PPARG: variants seen among roughly 807,000 people sequenced by gnomAD.
The protein encoded by PPARG is peroxisome proliferator activated receptor gamma, also known as peroxisome proliferator-activated receptor gamma.
In PPARG, 17 loss-of-function variants were observed where a neutral mutation model predicts 39.2. The ratio of observed to expected loss-of-function variants is 0.43; its 90% CI spans 0.30 to 0.65. The LOEUF is 0.65. Ranked by LOEUF, PPARG falls within the 30% of genes least tolerant of loss-of-function variation. PPARG has a pLI of 0.13. For synonymous variants in PPARG, 223 were observed against 215.7 expected (o/e 1.03, Z -0.30); for missense variants, 406 against 585.9 (o/e 0.69, Z 3.17).
chr3:12,302,373 C>T (rs1465902022), intron 1 of PPARG, among the ~76,000 whole-genome samples: 1 of 152,132 alleles, frequency 6.6e-6, no homozygotes, highest in Non-Finnish European at 1.5e-5. Flanking sequence ...GGGGGAGTGA[C>T]TGCTTAATGG....
chr3:12,292,645 C>T (rs373327834), intron 1 of PPARG, among the ~76,000 whole-genome samples: 1 of 152,086 alleles, frequency 6.6e-6, no homozygotes, highest in African/African-American at 2.4e-5. Context: ...TTAAATTCTT[C>T]GCGTGAATTG....
At chr3:12,338,053 A>AAAAC (rs2048064861) in intron 2 of PPARG, among the ~76,000 whole-genome samples, 1 of 152,214 alleles carries the variant, frequency 6.6e-6, no homozygotes, top group East Asian at 1.9e-4. Flanking sequence ...AAAGTTAGCT[A>AAAAC]AAACATTTCA....
intron 2 of PPARG, among the ~76,000 whole-genome samples, chr3:12,350,784 C>G (rs149953132): frequency 6.6e-6 from 1 of 152,282 alleles, no homozygotes; most frequent in Non-Finnish European, 1.5e-5. Flanking sequence ...GTTTAAACAT[C>G]AATTGATGTT....
chr3:12,304,950 G>A (rs1024872040), intron 1 of PPARG, among the ~76,000 whole-genome samples: 2 of 152,124 alleles, frequency 1.3e-5, no homozygotes, highest in African/African-American at 4.8e-5. Context: ...AGCTGACCTT[G>A]AACATGGAAA....
intron 2 of PPARG, among the ~76,000 whole-genome samples, chr3:12,365,400 C>T (rs952494019): frequency 1.3e-5 from 2 of 152,060 alleles, no homozygotes; most frequent in African/African-American, 4.8e-5. Flanking sequence ...TCCAGATAAT[C>T]AGTTATTTCA....
At chr3:12,297,741 C>G (rs1361680370) in intron 1 of PPARG, 1 of 152,100 alleles carries the variant, frequency 6.6e-6, no homozygotes, top group Non-Finnish European at 1.5e-5. Context: ...TTAGCATATG[C>G]TGGCAAATAG....
At chr3:12,370,525 A>G (rs1321078758) in intron 2 of PPARG, among the ~76,000 whole-genome samples, 1 of 152,180 alleles carries the variant, frequency 6.6e-6, no homozygotes, top group Admixed American at 6.5e-5. Flanking sequence ...GATGATAACT[A>G]TATGTTTAAA....
At chr3:12,367,501 G>A (rs926307195) in intron 2 of PPARG, among the ~76,000 whole-genome samples, 7 of 152,004 alleles carry the variant, frequency 4.6e-5, no homozygotes, top group African/African-American at 9.7e-5. Context: ...CAGGACCAGC[G>A]TAAGCAAACT....
chr3:12,314,839 T>G (rs938632884), intron 2 of PPARG, among the ~76,000 whole-genome samples: 1 of 152,184 alleles, frequency 6.6e-6, no homozygotes, highest in Non-Finnish European at 1.5e-5. Flanking sequence ...TATTTTTAAT[T>G]AACATATAAT....
intron 7 of PPARG, among the ~76,000 whole-genome samples, chr3:12,418,445 T>C (rs1308485437): frequency 2.6e-5 from 4 of 152,234 alleles, no homozygotes; most frequent in Non-Finnish European, 4.4e-5. Context: ...AGTGGTAAAC[T>C]GTATATAACT....
At chr3:12,355,020 C>G (rs1278075608) in intron 2 of PPARG, among the ~76,000 whole-genome samples, 2 of 152,086 alleles carry the variant, frequency 1.3e-5, no homozygotes, top group Non-Finnish European at 2.9e-5. Flanking sequence ...TTCTTTGGGC[C>G]TAAATAAAAG....
chr3:12,328,941 A>G (rs540024683), intron 2 of PPARG, among the ~76,000 whole-genome samples: 2 of 152,270 alleles, frequency 1.3e-5, no homozygotes, highest in African/African-American at 4.8e-5. Flanking sequence ...CAGCACCTCC[A>G]AGACTGTCTC....
At chr3:12,306,835 G>C (rs571306256) in intron 1 of PPARG, among the ~76,000 whole-genome samples, 335 of 152,148 alleles carry the variant, frequency 2.2e-3, no homozygotes, top group African/African-American at 7.8e-3. Context: ...GGTGGCTCAC[G>C]CCTGTAATCC....
chr3:12,293,699 T>C (rs73021497), intron 1 of PPARG, among the ~76,000 whole-genome samples: 8,666 of 152,308 alleles, frequency 0.057, 275 homozygotes, highest in Middle Eastern at 0.071. Context: ...AGCACTGTTA[T>C]TCTTTCTGGC....
chr3:12,307,029 C>A (rs981718986), intron 1 of PPARG, among the ~76,000 whole-genome samples: 2 of 137,514 alleles, frequency 1.5e-5, no homozygotes, highest in Non-Finnish European at 3.0e-5. Context: ...ACCCGGGAGG[C>A]AGAGATTGCA....
intron 2 of PPARG, chr3:12,372,011 A>G: frequency 7.0e-6 from 5 of 717,196 alleles, no homozygotes; most frequent in South Asian, 4.4e-5. Flanking sequence ...GTACCATGAC[A>G]TTAACTGAAA....
intron 2 of PPARG, among the ~76,000 whole-genome samples, chr3:12,320,667 G>T (rs972164593): frequency 6.6e-6 from 1 of 152,210 alleles, no homozygotes; most frequent in Non-Finnish European, 1.5e-5. Context: ...TTGAGGCCAA[G>T]AGTTGGAGAC....
At chr3:12,306,492 A>G (rs1257773206) in intron 1 of PPARG, among the ~76,000 whole-genome samples, 1 of 152,136 alleles carries the variant, frequency 6.6e-6, no homozygotes, top group East Asian at 1.9e-4. Context: ...GAACCCAGAC[A>G]ATCTGAACCC....
chr3:12,312,018 G>A (rs967055428), intron 1 of PPARG, among the ~76,000 whole-genome samples: 1 of 152,176 alleles, frequency 6.6e-6, no homozygotes. Flanking sequence ...TCTTAAGTCT[G>A]TGCAGTAATA....
Sources: allele counts gnomAD v4.1 joint callset (sites outside exome capture counted in the v4.1 genomes callset), GRCh38; gene constraint gnomAD v4.1.1; transcripts MANE v1.5; gene names NCBI Gene and HGNC (gene_info 2026-07-23, HGNC 2026-07-21).